GPATCH2: variants seen among roughly 807,000 people sequenced by gnomAD.
GPATCH2 encodes G-patch domain containing 2, also known as G patch domain-containing protein 2.
A neutral mutation model predicts 58.0 loss-of-function variants in GPATCH2; 51 were observed. That is an observed-to-expected ratio of 0.88 (90% CI 0.70 to 1.11). The LOEUF is 1.11. Ranked by LOEUF, GPATCH2 falls within the 50% of genes most tolerant of loss-of-function variation. GPATCH2 has a pLI of 0.00. For missense variants in GPATCH2, 625 were observed against 652.2 expected, an observed-to-expected ratio of 0.96 and a Z score of 0.45; for synonymous variants, 222 against 218.5, an observed-to-expected ratio of 1.02 and a Z score of -0.14.
chr1:217,438,949 T>G (rs1658991943), intron 9 of GPATCH2, among the ~76,000 whole-genome samples: 2 of 152,160 alleles, frequency 1.3e-5, no homozygotes, highest in African/African-American at 4.8e-5. Flanking sequence ...GCTGCCAATA[T>G]TAGACAGAGC....
intron 6 of GPATCH2, among the ~76,000 whole-genome samples, chr1:217,513,518 C>T (rs1461540114): frequency 1.3e-5 from 2 of 152,098 alleles, no homozygotes; most frequent in East Asian, 3.9e-4. Context: ...CATGTCTTCC[C>T]ATACTTTATG....
chr1:217,456,586 T>C (rs906590983), intron 8 of GPATCH2, among the ~76,000 whole-genome samples: 13 of 152,082 alleles, frequency 8.5e-5, no homozygotes, highest in Non-Finnish European at 1.5e-4. Context: ...GGGGACAAGG[T>C]GGGAGCCTTC....
intron 5 of GPATCH2, among the ~76,000 whole-genome samples, chr1:217,571,703 C>CAAAAAAAAAAAAAAAAAAACAAA (rs11463536): frequency 1.4e-5 from 1 of 73,814 alleles, no homozygotes; most frequent in African/African-American, 5.3e-5. Flanking sequence ...AAAACGAAAC[C>CAAAAAAAAAAAAAAAAAAACAAA]AAAAAAAAAA....
At chr1:217,478,424 T>C (rs907844434) in intron 8 of GPATCH2, among the ~76,000 whole-genome samples, 1 of 151,968 alleles carries the variant, frequency 6.6e-6, no homozygotes, top group South Asian at 2.1e-4. Flanking sequence ...TTAGACAAAT[T>C]TAATAAAGAG....
chr1:217,457,666 A>G (rs1660006418), intron 8 of GPATCH2, among the ~76,000 whole-genome samples: 1 of 152,216 alleles, frequency 6.6e-6, no homozygotes, highest in Non-Finnish European at 1.5e-5. Flanking sequence ...AATTGCCATT[A>G]TGCTACAATA....
rs1183853865 is a variant in GPATCH2 at position 217,468,286 on chromosome 1, TA to T, written c.1278-18950del. Among the ~76,000 whole-genome samples, 5 of 152,258 alleles carry T rather than the reference TA, an allele frequency of 3.3e-5. No individual in the cohort carries two copies. In the East Asian group the frequency reaches 9.6e-4, roughly 29 times the overall value. ...CGGAAAGAGATATAAGTGAGGGAAG[TA>T]CACAATATCACCTTTGGAACAATCT... On this transcript the variant is annotated intron_variant, in intron 8 of 9. Coordinates refer to ENST00000366935, the MANE Select transcript of GPATCH2 (RefSeq NM_018040.5).
chr1:217,432,539 GGTA>G (rs1167164980), intron 9 of GPATCH2, among the ~76,000 whole-genome samples: 1 of 152,138 alleles, frequency 6.6e-6, no homozygotes, highest in East Asian at 1.9e-4. Flanking sequence ...TCCCAGGTGT[GGTA>G]TAGGTTGGCT....
chr1:217,567,289 G>A lies in GPATCH2; in HGVS notation c.1098+43032C>T, dbSNP rs188615782. ...TTGAACTCCCGACCTCAGGTGATCC[G>A]CCCGCCTGGGCCTCCCAAAGTGCTG... On this transcript the variant is annotated intron_variant, in intron 5 of 9. Coordinates refer to ENST00000366935, the MANE Select transcript of GPATCH2 (RefSeq NM_018040.5). Among the ~76,000 whole-genome samples, 464 of 152,088 alleles carry A rather than the reference G, an allele frequency of 3.1e-3. 1 individual carries two copies. Among genetic ancestry groups the A allele is most frequent in the Middle Eastern group, 0.01 (3 of 294 alleles).
chr1:217,454,340 A>C lies in GPATCH2; in HGVS notation c.1278-5003T>G, dbSNP rs191077315. Among the ~76,000 whole-genome samples, 151 of 152,212 alleles carry C rather than the reference A, an allele frequency of 9.9e-4. 1 individual carries two copies. The Middle Eastern group carries it at 0.014, about 14-fold the overall frequency. ...TGCGGTGGCTCACGCCTGTAATCCCAGCACCTTGGGAGGCTGAGGTGGGCG... is the reference window on the plus strand; with the variant it reads ...TGCGGTGGCTCACGCCTGTAATCCCCGCACCTTGGGAGGCTGAGGTGGGCG... On this transcript the variant is annotated intron_variant, in intron 8 of 9. Coordinates refer to ENST00000366935, the MANE Select transcript of GPATCH2 (RefSeq NM_018040.5).
At position 217,540,145 on chromosome 1, in the gene GPATCH2, A is replaced by G. The variant is rs115011297; in HGVS notation, c.1099-25256T>C. Among the ~76,000 whole-genome samples, 1,317 of 152,308 alleles carry G rather than the reference A, an allele frequency of 8.6e-3. 24 individuals are homozygous for G. Among genetic ancestry groups the G allele is most frequent in the African/African-American group, 0.03 (1,251 of 41,556 alleles). ...ACTATTGTTCAATTTTATAACTGAT[A>G]AAGCACAATTAATTCATTACGGCAC... On this transcript the variant is annotated intron_variant, in intron 5 of 9. Coordinates refer to ENST00000366935, the MANE Select transcript of GPATCH2 (RefSeq NM_018040.5).
chr1:217,565,770 A>G (rs946284936), intron 5 of GPATCH2, among the ~76,000 whole-genome samples: 2 of 152,128 alleles, frequency 1.3e-5, no homozygotes, highest in Admixed American at 6.5e-5. Context: ...AAAAAGTTCT[A>G]TGCTTTTCTG....
chr1:217,583,482 A>C (rs1407975754), intron 5 of GPATCH2, among the ~76,000 whole-genome samples: 1 of 146,258 alleles, frequency 6.8e-6, no homozygotes, highest in African/African-American at 2.5e-5. Flanking sequence ...GAGGCAGGAG[A>C]GTTGCATGAA....
chr1:217,564,045 G>GAAAAA (rs59348467), intron 5 of GPATCH2, among the ~76,000 whole-genome samples: 4 of 58,216 alleles, frequency 6.9e-5, no homozygotes, highest in Admixed American at 2.4e-4. Flanking sequence ...ACTCCGTCTC[G>GAAAAA]AAAAAAAAAA....
chr1:217,608,216 G>GAA, intron 5 of GPATCH2: 16 of 854,566 alleles, frequency 1.9e-5, no homozygotes, highest in East Asian at 1.2e-4. Flanking sequence ...AGATTTTATT[G>GAA]AAAAAAAAAA....
chr1:217,503,065 C>G (rs1210033122), intron 6 of GPATCH2, among the ~76,000 whole-genome samples: 1 of 152,066 alleles, frequency 6.6e-6, no homozygotes, highest in East Asian at 1.9e-4. Flanking sequence ...GTGTTTATAT[C>G]TTTTTTCTTC....
intron 5 of GPATCH2, among the ~76,000 whole-genome samples, chr1:217,588,433 T>C (rs1667440429): frequency 6.6e-6 from 1 of 152,178 alleles, no homozygotes. Flanking sequence ...TAAGCATGAT[T>C]ATTATGACTA....
At chr1:217,483,096 A>C (rs1192511659) in intron 8 of GPATCH2, among the ~76,000 whole-genome samples, 1 of 152,076 alleles carries the variant, frequency 6.6e-6, no homozygotes, top group Non-Finnish European at 1.5e-5. Context: ...CTCTCTGTCG[A>C]AGTTTTAGTA....
chr1:217,490,765 A>G (rs1661688755), intron 8 of GPATCH2, among the ~76,000 whole-genome samples: 1 of 152,136 alleles, frequency 6.6e-6, no homozygotes, highest in Admixed American at 6.6e-5. Context: ...CAATTTTAGG[A>G]TCTGGCAATC....
intron 5 of GPATCH2, among the ~76,000 whole-genome samples, chr1:217,524,477 G>A (rs1256212999): frequency 2.0e-5 from 3 of 152,064 alleles, no homozygotes; most frequent in Middle Eastern, 6.8e-3. Flanking sequence ...GGCAGAGGCT[G>A]CAATCTCGGC....
Sources: allele counts gnomAD v4.1 joint callset (sites outside exome capture counted in the v4.1 genomes callset), GRCh38; gene constraint gnomAD v4.1.1; transcripts MANE v1.5; gene names NCBI Gene and HGNC (gene_info 2026-07-23, HGNC 2026-07-21).